The following SACS variants were observed in gnomAD, a reference collection of about 807,000 sequenced individuals.
SACS encodes the protein sacsin molecular chaperone, also known as sacsin.
A neutral mutation model predicts 348.0 loss-of-function variants in SACS; 197 were observed. That is an observed-to-expected ratio of 0.57 (90% CI 0.50 to 0.64). SACS has a LOEUF of 0.64. Among genes scored for constraint, SACS ranks in the 30% least tolerant of loss-of-function variants. SACS has a pLI of 0.00. For synonymous variants in SACS, 1,985 were observed against 1,910.6 expected (o/e 1.04, Z -1.02); for missense variants, 4,999 against 5,360.8 (o/e 0.93, Z 2.11).
intron 2 of SACS, among the ~76,000 whole-genome samples, chr13:23,379,625 A>C (rs1437615683): frequency 6.6e-6 from 1 of 152,212 alleles, no homozygotes; most frequent in African/African-American, 2.4e-5. Context: ...TGTGGTGTTG[A>C]GTAAACGTTA....
chr13:23,379,721 T>A (rs1248721066), intron 2 of SACS, among the ~76,000 whole-genome samples: 4 of 152,168 alleles, frequency 2.6e-5, no homozygotes, highest in Non-Finnish European at 5.9e-5. Flanking sequence ...CCTCTGCTTG[T>A]AAGGAGATTG....
rs1883523704 is a variant in SACS at position 23,332,243 on chromosome 13, T to C, written c.11633A>G (p.Lys3878Arg). ...CCTGAACAGACCAGAAACTACTCTCTTAACTGTACGCATTTCATTAGGATC... is the reference window on the plus strand; with the variant it reads ...CCTGAACAGACCAGAAACTACTCTCCTAACTGTACGCATTTCATTAGGATC... Reference protein sequence around the residue: ...QLDPNEMRTVKRVVSGLFRSL... With the variant: ...QLDPNEMRTVRRVVSGLFRSL... The change falls in exon 10 of 10, where the codon AAG (lysine) becomes AGG (arginine). Residue 3878 changes from lysine (K) to arginine (R), a missense_variant. By Grantham distance (26) the Lys-to-Arg change is conservative (BLOSUM62 2). This residue lies in a region of SACS where 831 missense variants were observed against 941.8 expected (regional missense o/e 0.88). Coordinates refer to ENST00000382292, the MANE Select transcript of SACS (RefSeq NM_014363.6). 2 of 1,613,974 alleles carry C rather than the reference T, an allele frequency of 1.2e-6. No individual in the cohort carries two copies. The highest frequency in any genetic ancestry group is 1.7e-6 in the Non-Finnish European group (2 of 1,179,908).
Position 23,334,561 on chromosome 13 carries a change from A to C in SACS, c.9315T>G (p.Phe3105Leu). ...PADIRSFLMT[F>L]SSPDTNCHIG... ...TATGGCAATTAGTGTCAGGAGAGGA[A>C]AATGTCATTAAAAAAGATCTGATAT... The change falls in exon 10 of 10, where the codon TTT becomes TTG. Residue 3105 changes from phenylalanine to leucine, a missense_variant. Coordinates refer to ENST00000382292, the MANE Select transcript of SACS (RefSeq NM_014363.6). 3 of 1,613,584 alleles carry C rather than the reference A, an allele frequency of 1.9e-6. No individual in the cohort carries two copies. The highest frequency in any genetic ancestry group is 1.7e-6 in the Non-Finnish European group (2 of 1,179,748).
Position 23,331,014 on chromosome 13 carries a change from T to C in SACS, c.12862A>G (p.Thr4288Ala). ...TTGGGGGACTGATGTTTGGAAGAAG[T>C]CTTGTGGCTCTCTCTACCAGAGAAA... is the stretch of plus-strand genomic sequence containing the variant. The part of the protein sequence containing the change: ...PLFSGRESHK[T>A]SSKHQSPKKL... Residue 4288 changes from threonine to alanine, a missense_variant, in exon 10 of 10, where the codon ACT becomes GCT. Around this residue, in one of 6 missense-constraint regions of SACS, gnomAD observed 831 missense variants for 941.8 expected, o/e 0.88. Transcript: ENST00000382292. 2 of 1,614,076 alleles carry C rather than the reference T, an allele frequency of 1.2e-6. No homozygotes were observed. Among genetic ancestry groups the C allele is most frequent in the Non-Finnish European group, 1.7e-6 (2 of 1,179,988 alleles).
intron 9 of SACS, among the ~76,000 whole-genome samples, chr13:23,350,185 T>C (rs1029913448): frequency 6.6e-6 from 1 of 152,128 alleles, no homozygotes; most frequent in Non-Finnish European, 1.5e-5. Context: ...CTGAGCTGAG[T>C]AACAGAAAAA....
At position 23,336,758 on chromosome 13, in the gene SACS, T is replaced by G; in HGVS notation, c.7118A>C (p.Gln2373Pro). 4 of 1,613,916 alleles carry G rather than the reference T, an allele frequency of 2.5e-6. No homozygotes were observed. The highest frequency in any genetic ancestry group is 3.4e-6 in the Non-Finnish European group (4 of 1,179,866). ...LNFEAAPYLY[Q>P]LPNKYKNNFR... ...ATTATTTTTATACTTATTAGGCAAC[T>G]GATAAAGGTATGGTGCCGCCTCAAA... The change falls in exon 10 of 10, where the codon CAG (glutamine) becomes CCG (proline). Residue 2373 changes from glutamine (Q) to proline (P), a missense_variant. Physicochemically the swap from Gln to Pro is moderately conservative, Grantham distance 76. Coordinates refer to ENST00000382292, the MANE Select transcript of SACS (RefSeq NM_014363.6).
intron 1 of SACS, among the ~76,000 whole-genome samples, chr13:23,416,397 A>G (rs1854716192): frequency 6.6e-6 from 1 of 152,216 alleles, no homozygotes; most frequent in Non-Finnish European, 1.5e-5. Context: ...TATCAGCAAA[A>G]ATAAAAGTTA....
At position 23,334,923 on chromosome 13, in the gene SACS, T is replaced by C; in HGVS notation, c.8953A>G (p.Ile2985Val). The C allele has an allele frequency of 6.2e-7, 1 of 1,613,892 alleles. No homozygotes were observed. Among genetic ancestry groups the C allele is most frequent in the Admixed American group, 1.7e-5 (1 of 60,006 alleles). Residue 2985 changes from isoleucine to valine, a missense_variant, in exon 10 of 10, where the codon ATT (isoleucine) becomes GTT (valine). Physicochemically the swap from Ile to Val is conservative, Grantham distance 29 (BLOSUM62 3). Transcript: ENST00000382292. ...YCLVKALYNC[I>V]HEDMKRLLPV... ...AAAAGACGTTTCATGTCTTCGTGAA[T>C]GCAATTGTAAAGTGCTTTCACTAGA...
chr13:23,367,809 G>A (rs1047957583), intron 5 of SACS, among the ~76,000 whole-genome samples: 1 of 152,100 alleles, frequency 6.6e-6, no homozygotes, highest in African/African-American at 2.4e-5. Flanking sequence ...GGCCAGGCTG[G>A]TCTCGAACTC....
Position 23,331,296 on chromosome 13 carries a change from A to G in SACS, c.12580T>C (p.Tyr4194His). Reference protein sequence around the residue: ...YLVDAEGGDIYGSYQPTYTYA... With the variant: ...YLVDAEGGDIHGSYQPTYTYA... ...GTGTATGTTGGCTGGTATGATCCATAGATATCACCACCTTCAGCATCAACA... is the reference window on the plus strand; with the variant it reads ...GTGTATGTTGGCTGGTATGATCCATGGATATCACCACCTTCAGCATCAACA... Residue 4194 changes from tyrosine to histidine, a missense_variant, in exon 10 of 10, where the codon TAT (tyrosine) becomes CAT (histidine). By Grantham distance (83) the Tyr-to-His change is moderately conservative. Coordinates refer to ENST00000382292, the MANE Select transcript of SACS (RefSeq NM_014363.6). 1 of 1,613,956 alleles carries G rather than the reference A, an allele frequency of 6.2e-7. No individual in the cohort carries two copies.
At chr13:23,349,820 A>G (rs1284056268) in intron 9 of SACS, among the ~76,000 whole-genome samples, 1 of 152,194 alleles carries the variant, frequency 6.6e-6, no homozygotes, top group Non-Finnish European at 1.5e-5. Flanking sequence ...AAGTCACACA[A>G]TAGAGGAGTG....
chr13:23,422,610 C>G (rs968560182), intron 1 of SACS, among the ~76,000 whole-genome samples: 3 of 151,958 alleles, frequency 2.0e-5, no homozygotes, highest in Non-Finnish European at 4.4e-5. Context: ...GAATATCCAT[C>G]TCTAATAACT....
chr13:23,379,363 G>A (rs1007963744), intron 2 of SACS, among the ~76,000 whole-genome samples: 1 of 152,146 alleles, frequency 6.6e-6, no homozygotes, highest in African/African-American at 2.4e-5. Flanking sequence ...GCCTGTGCTC[G>A]GGGACTGCTC....
At chr13:23,367,214 C>A (rs1871113029) in intron 5 of SACS, among the ~76,000 whole-genome samples, 1 of 152,190 alleles carries the variant, frequency 6.6e-6, no homozygotes, top group African/African-American at 2.4e-5. Context: ...TAAGTCAATA[C>A]AAAAACTGTT....
At position 23,409,040 on chromosome 13, in the gene SACS, CTTTTTTTTTTTTTTTTT is replaced by C. The variant is rs1175897856; in HGVS notation, c.20+2163_20+2179del. 2.7e-3 allele frequency among the ~76,000 whole-genome samples: 94 copies of C among 35,152 alleles called. 7 individuals are homozygous for C. The highest frequency in any genetic ancestry group is 0.01 in the African/African-American group (88 of 8,728). The allele number at this position is 35,152 out of a possible 152,430, so 23.1% of individuals were successfully genotyped here. A position where few individuals can be genotyped will look rare whatever the true frequency, so the allele number is the denominator to read the frequency against. ...TATGGTCTTAATAAAACAAGTTTTA[CTTTTTTTTTTTTTTTTT>C]TTTTTTTTTTTTTGAGACGGAGTCT... is the stretch of plus-strand genomic sequence containing the variant. On this transcript the variant is annotated intron_variant, in intron 2 of 9. Coordinates refer to ENST00000382292, the MANE Select transcript of SACS (RefSeq NM_014363.6).
At chr13:23,382,219 T>C (rs980620414) in intron 2 of SACS, among the ~76,000 whole-genome samples, 1 of 152,024 alleles carries the variant, frequency 6.6e-6, no homozygotes, top group Non-Finnish European at 1.5e-5. Context: ...AGTGGTGTGA[T>C]CTCGGCTCAC....
chr13:23,394,103 C>T (rs1403821013), intron 2 of SACS, among the ~76,000 whole-genome samples: 1 of 152,116 alleles, frequency 6.6e-6, no homozygotes, highest in African/African-American at 2.4e-5. Context: ...GGCTGGTGGC[C>T]AAGCGAACCA....
In SACS at chr13:23,340,155, T is replaced by C. The variant is rs1330491523; in HGVS notation, c.3721A>G (p.Ser1241Gly). Residue 1241 changes from serine to glycine, a missense_variant, in exon 10 of 10, where the codon AGT becomes GGT. Around this residue, in one of 6 missense-constraint regions of SACS, gnomAD observed 3,156 missense variants for 3,380.1 expected, o/e 0.93. Transcript: ENST00000382292. Reference sequence around the variant, plus strand: ...TGGAATTGATAGTAGTCTTCATCACTAAAGGTTTTTGAAGAATACCAATCA... The same window carrying C: ...TGGAATTGATAGTAGTCTTCATCACCAAAGGTTTTTGAAGAATACCAATCA... Reference protein sequence around the residue: ...VVDWYSSKTFSDEDYYQFQHI... With the variant: ...VVDWYSSKTFGDEDYYQFQHI... 6.2e-7 allele frequency: 1 copy of C among 1,613,254 alleles called. No individual in the cohort carries two copies. The highest frequency in any genetic ancestry group is 1.1e-5 in the South Asian group (1 of 90,958).
intron 1 of SACS, among the ~76,000 whole-genome samples, chr13:23,426,737 T>TA (rs1366573515): frequency 6.6e-6 from 1 of 152,056 alleles, no homozygotes; most frequent in Non-Finnish European, 1.5e-5. Context: ...AGACAGGTGA[T>TA]ACACAAGTGG....
Sources: allele counts gnomAD v4.1 joint callset (sites outside exome capture counted in the v4.1 genomes callset), GRCh38; gene constraint gnomAD v4.1.1; regional missense constraint gnomAD v4.1.1; transcripts MANE v1.5; gene names NCBI Gene and HGNC (gene_info 2026-07-23, HGNC 2026-07-21).